The following PTMA variants were observed in gnomAD, a reference collection of about 807,000 sequenced individuals.
The protein encoded by PTMA is gene sequence 28.
Under a neutral mutation model 16.9 loss-of-function variants are expected in PTMA, and 4 were observed. That is an observed-to-expected ratio of 0.24 (90% CI 0.12 to 0.54). PTMA has a LOEUF of 0.54. Ranked by LOEUF, PTMA falls within the 20% of genes least tolerant of loss-of-function variation. PTMA has a pLI of 0.95. For missense variants in PTMA, 120 were observed against 137.7 expected, an observed-to-expected ratio of 0.87 and a Z score of 0.64; for synonymous variants, 58 against 47.9, an observed-to-expected ratio of 1.21 and a Z score of -0.87.
chr2:231,710,644 C>G (rs550956863), intron 1 of PTMA: 2 of 449,056 alleles, frequency 4.5e-6, no homozygotes, highest in Non-Finnish European at 9.1e-6. Flanking sequence ...GCCGCGCTGC[C>G]TTTTGGATCC....
rs953256276 is a variant in PTMA at position 231,712,999 on chromosome 2, C to T, written c.*148C>T. On this transcript the variant is annotated 3_prime_UTR_variant, in exon 5 of 5. Coordinates refer to ENST00000409115, the MANE Select transcript of PTMA (RefSeq NM_002823.5). ...TGGGCAGTGCCACCCGCAGATGACA[C>T]GCGCTCTCCACCACCCAACCCAAAC... is the stretch of plus-strand genomic sequence containing the variant. The T allele has an allele frequency of 1.8e-5, 14 of 764,820 alleles. No individual in the cohort carries two copies. Among genetic ancestry groups the T allele is most frequent in the Admixed American group, 1.4e-4 (5 of 34,662 alleles). The allele number at this position is 764,820 out of a possible 1,614,324, so 47.4% of individuals were successfully genotyped here.
At chr2:231,711,670 C>G in intron 2 of PTMA, 1 of 892,540 alleles carries the variant, frequency 1.1e-6, no homozygotes, top group South Asian at 1.8e-5. Flanking sequence ...TTGGGCTTGG[C>G]CCAGGGTGGG....
rs757095516 is a variant in PTMA, at chr2:231,713,347, G to A, written c.*496G>A. ...CCGAGCATTCCAGTAACTTTTTTGT[G>A]TATGTACTTAGCTGTACTATAAGTA... is the stretch of plus-strand genomic sequence containing the variant. On this transcript the variant is annotated 3_prime_UTR_variant, in exon 5 of 5. Coordinates refer to ENST00000409115, the MANE Select transcript of PTMA (RefSeq NM_002823.5). 2.0e-6 allele frequency: 1 copy of A among 510,904 alleles called. No homozygotes were observed. Among genetic ancestry groups the A allele is most frequent in the Non-Finnish European group, 4.0e-6 (1 of 253,132 alleles). 31.6% of individuals were successfully genotyped at this position (510,904 alleles called of 1,614,324 possible).
intron 1 of PTMA, 63 bp downstream of exon 1, chr2:231,708,814 G>C (rs988249475): frequency 2.6e-6 from 4 of 1,560,204 alleles, no homozygotes; most frequent in East Asian, 4.6e-5. Context: ...GGTGTTTGGC[G>C]CGCAGCAGCT....
chr2:231,712,619 G>C, intron 4 of PTMA, 103 bp downstream of exon 4: 1 of 1,385,376 alleles, frequency 7.2e-7, no homozygotes, highest in South Asian at 1.2e-5. Flanking sequence ...TGACTTTGTA[G>C]GTGGCCACTG....
intron 1 of PTMA, chr2:231,710,029 G>C: frequency 4.2e-6 from 5 of 1,201,242 alleles, no homozygotes; most frequent in Non-Finnish European, 5.2e-6. Flanking sequence ...CCCAGTGCGG[G>C]GCCTGGCTGT....
chr2:231,712,674 C>G, intron 4 of PTMA, 130 bp from the exon 5 acceptor site: 4 of 1,348,928 alleles, frequency 3.0e-6, no homozygotes, highest in Non-Finnish European at 3.1e-6. Flanking sequence ...GGGCTGGGCT[C>G]AACTTCCCAG....
chr2:231,708,784 C>CCG (rs762112501), intron 1 of PTMA, 33 bp downstream of exon 1: 1 of 1,594,708 alleles, frequency 6.3e-7, no homozygotes, highest in Non-Finnish European at 8.5e-7. Flanking sequence ...CCCTCGGGGT[C>CCG]CGCGCGCCGC....
intron 2 of PTMA, 63 bp downstream of exon 2, chr2:231,711,482 A>G (rs1325432893): frequency 1.3e-5 from 19 of 1,452,102 alleles, no homozygotes; most frequent in Middle Eastern, 1.7e-4. Flanking sequence ...TTCCTGTTCT[A>G]CTTTAAACAT....
chr2:231,712,363 C>T, intron 3 of PTMA, 80 bp from the exon 4 acceptor site: 4 of 1,444,418 alleles, frequency 2.8e-6, no homozygotes, highest in Non-Finnish European at 2.9e-6. Flanking sequence ...ACCTTGCAGT[C>T]CACTACATGT....
chr2:231,710,248 G>A (rs1296315746), intron 1 of PTMA: 2 of 1,336,004 alleles, frequency 1.5e-6, no homozygotes, highest in African/African-American at 1.5e-5. Flanking sequence ...CGACCGACGC[G>A]CGACCCGCGC....
At chr2:231,709,149 G>A (rs993524839) in intron 1 of PTMA, among the ~76,000 whole-genome samples, 2 of 152,192 alleles carry the variant, frequency 1.3e-5, no homozygotes, top group African/African-American at 4.8e-5. Flanking sequence ...AAGTGCTGGG[G>A]GGCGCGTGTT....
chr2:231,711,689 C>T, intron 2 of PTMA: 2 of 1,025,016 alleles, frequency 2.0e-6, no homozygotes, highest in South Asian at 1.8e-5. Flanking sequence ...GGGAAAAGCC[C>T]TTGTCCTGGG....
At chr2:231,712,545 T>C (rs2048531900) in intron 4 of PTMA, 29 bp downstream of exon 4, 37 of 1,610,716 alleles carry the variant, frequency 2.3e-5, no homozygotes, top group Non-Finnish European at 3.1e-5. Context: ...AGAAGGGGGG[T>C]TTGGCATCTG....
In PTMA at chr2:231,713,182, G is replaced by T. The variant is rs13022849; in HGVS notation, c.*331G>T. ...AGGGTCAGCCATTTTTAATGATCTC[G>T]GATGACCAAACCAGCCTTCGGAGCG... On this transcript the variant is annotated 3_prime_UTR_variant, in exon 5 of 5. Transcript: ENST00000409115. 6.4e-6 allele frequency: 3 copies of T among 471,706 alleles called. No homozygotes were observed. The highest frequency in any genetic ancestry group is 3.3e-5 in the South Asian group (2 of 61,048). The allele number at this position is 471,706 out of a possible 1,614,324, so 29.2% of individuals were successfully genotyped here.
intron 1 of PTMA, chr2:231,709,947 T>C: frequency 2.9e-6 from 2 of 683,876 alleles, no homozygotes; most frequent in Non-Finnish European, 4.0e-6. Context: ...GGGGCCCGGA[T>C]CTCCACAGGG....
chr2:231,711,172 TC>T (rs1410775860), intron 1 of PTMA, 175 bp from the exon 2 acceptor site: 13 of 557,548 alleles, frequency 2.3e-5, no homozygotes, highest in Non-Finnish European at 4.2e-5. Flanking sequence ...CCGCCGGCCT[TC>T]CTTCCACCAG....
At chr2:231,710,310 C>T (rs1268268031) in intron 1 of PTMA, 3 of 1,247,702 alleles carry the variant, frequency 2.4e-6, no homozygotes, top group Non-Finnish European at 3.0e-6. Context: ...AGGCAAGGGA[C>T]GCACTCGGCG....
intron 1 of PTMA, chr2:231,709,994 G>A (rs1418215236): frequency 3.7e-6 from 4 of 1,068,690 alleles, no homozygotes; most frequent in South Asian, 4.8e-5. Flanking sequence ...GTCCGGGAAT[G>A]AGTTTGTGGG....
Sources: gnomAD v4.1 joint callset for allele counts (sites outside exome capture counted in the v4.1 genomes callset) on GRCh38, gnomAD v4.1.1 for gene constraint, MANE v1.5 for transcripts, NCBI Gene and HGNC (gene_info 2026-07-23, HGNC 2026-07-21) for gene names.